The following CFAP69 variants were observed in gnomAD, a reference collection of about 807,000 sequenced individuals.
The protein encoded by CFAP69 is cilia and flagella associated protein 69.
A neutral mutation model predicts 123.0 loss-of-function variants in CFAP69; 92 were observed. The observed-to-expected ratio is 0.75, with a 90% CI of 0.63 to 0.89. The LOEUF (loss-of-function observed/expected upper bound fraction) is 0.89. Among genes scored for constraint, CFAP69 ranks in the 40% least tolerant of loss-of-function variants. CFAP69 has a pLI of 0.00. For missense variants in CFAP69, 1,067 were observed against 1,096.9 expected (o/e 0.97, Z 0.39); for synonymous variants, 380 against 364.3 (o/e 1.04, Z -0.49).
chr7:90,247,536 T>C (rs1039738557), intron 1 of CFAP69, among the ~76,000 whole-genome samples: 1 of 152,118 alleles, frequency 6.6e-6, no homozygotes, highest in Non-Finnish European at 1.5e-5. Flanking sequence ...CTCATGTCCA[T>C]TGTAAAGATT....
At chr7:90,253,965 T>A (rs1227554154) in intron 1 of CFAP69, among the ~76,000 whole-genome samples, 1 of 152,186 alleles carries the variant, frequency 6.6e-6, no homozygotes, top group Non-Finnish European at 1.5e-5. Context: ...ACTTCTTAGT[T>A]TGGGGTCTTA....
chr7:90,312,627 A>G (rs1454440211), downstream of CFAP69: 3 of 152,196 alleles, frequency 2.0e-5, no homozygotes, highest in Admixed American at 2.0e-4. Context: ...GCATATTATA[A>G]TTCCAGCCAC....
intron 5 of CFAP69, chr7:90,266,068 T>TAA (rs1415184313): frequency 2.6e-5 from 4 of 152,102 alleles, no homozygotes; most frequent in Non-Finnish European, 4.4e-5. Context: ...ACAGGAGGAA[T>TAA]AAAAGATACA....
rs1789188443 is a variant in CFAP69, at chr7:90,279,811, G to A, written c.1290G>A (p.Val430=). 6.2e-7 allele frequency: 1 copy of A among 1,612,510 alleles called. No individual in the cohort carries two copies. Among genetic ancestry groups the A allele is most frequent in the African/African-American group, 1.3e-5 (1 of 74,926 alleles). ...QLHAIATLSS[V]APLLIEEYMS... ...ATGCAATTGCCACTTTGTCATCAGT[G>A]GCTCCTTTATTAATAGAAGAATACA... The change falls in exon 12 of 23, where the codon GTG becomes GTA. Residue 430 remains valine (V), a synonymous_variant. Coordinates refer to ENST00000389297, the MANE Select transcript of CFAP69 (RefSeq NM_001039706.3).
intron 19 of CFAP69, among the ~76,000 whole-genome samples, chr7:90,305,202 G>A (rs575688312): frequency 6.6e-6 from 1 of 151,808 alleles, no homozygotes; most frequent in South Asian, 2.1e-4. Context: ...TTAGCTGGAT[G>A]TGGTGGCGGG....
At chr7:90,248,252 C>A (rs1796559114) in intron 1 of CFAP69, among the ~76,000 whole-genome samples, 2 of 152,144 alleles carry the variant, frequency 1.3e-5, no homozygotes, top group Admixed American at 6.5e-5. Context: ...TTATTACAGA[C>A]CTAAATTGAA....
chr7:90,312,260 TGTTA>T (rs151007369), downstream of CFAP69, among the ~76,000 whole-genome samples: 1 of 152,322 alleles, frequency 6.6e-6, no homozygotes, highest in East Asian at 1.9e-4. Flanking sequence ...ACAGACAACA[TGTTA>T]GTTTAAATGT....
At chr7:90,272,407 T>C (rs1357924520) in intron 8 of CFAP69, among the ~76,000 whole-genome samples, 1 of 152,104 alleles carries the variant, frequency 6.6e-6, no homozygotes, top group Non-Finnish European at 1.5e-5. Context: ...CTGAAAACAA[T>C]ATAGATATTG....
intron 13 of CFAP69, among the ~76,000 whole-genome samples, chr7:90,283,639 CAG>C (rs1225347513): frequency 6.6e-6 from 1 of 152,102 alleles, no homozygotes; most frequent in Non-Finnish European, 1.5e-5. Context: ...CACATAAACT[CAG>C]TGTAAAATTC....
chr7:90,289,459 C>G (rs1450049642), intron 15 of CFAP69, among the ~76,000 whole-genome samples: 1 of 152,062 alleles, frequency 6.6e-6, no homozygotes, highest in Non-Finnish European at 1.5e-5. Context: ...CTACTCAAGT[C>G]TCTTGCTCAT....
intron 13 of CFAP69, among the ~76,000 whole-genome samples, chr7:90,285,564 C>T (rs1031596803): frequency 2.0e-5 from 3 of 152,054 alleles, no homozygotes; most frequent in African/African-American, 7.3e-5. Context: ...AATACTGTTA[C>T]CTAAAATTGT....
chr7:90,247,418 G>A (rs1231043735), intron 1 of CFAP69, among the ~76,000 whole-genome samples: 1 of 152,196 alleles, frequency 6.6e-6, no homozygotes, highest in East Asian at 1.9e-4. Flanking sequence ...GTGGCTAAAG[G>A]TGAGAGTATC....
chr7:90,314,362 G>A (rs1476869864), downstream of CFAP69, among the ~76,000 whole-genome samples: 1 of 152,114 alleles, frequency 6.6e-6, no homozygotes, highest in Non-Finnish European at 1.5e-5. Context: ...AGTGGTTCAG[G>A]CCTGTAATCC....
chr7:90,256,225 C>T (rs1297456769), intron 2 of CFAP69, among the ~76,000 whole-genome samples: 1 of 152,088 alleles, frequency 6.6e-6, no homozygotes, highest in Non-Finnish European at 1.5e-5. Flanking sequence ...CCTGTCCTTT[C>T]CAGGGACATG....
intron 18 of CFAP69, 59 bp from the exon 19 acceptor site, chr7:90,304,685 A>AGATT (rs1254053586): frequency 3.6e-6 from 5 of 1,381,856 alleles, no homozygotes; most frequent in Non-Finnish European, 4.9e-6. Context: ...ATAGATAGAT[A>AGATT]GATTCTTAGA....
intron 4 of CFAP69, among the ~76,000 whole-genome samples, chr7:90,263,384 C>G (rs1687897622): frequency 6.6e-6 from 1 of 152,118 alleles, no homozygotes. Flanking sequence ...ATAATAATGT[C>G]AAGCCTTTCC....
intron 15 of CFAP69, among the ~76,000 whole-genome samples, chr7:90,294,719 A>G (rs1388376599): frequency 6.6e-6 from 1 of 152,218 alleles, no homozygotes; most frequent in Non-Finnish European, 1.5e-5. Context: ...TCCTAACCCT[A>G]TGTTCTCTCC....
At chr7:90,246,158 T>G (rs1219218135) in intron 1 of CFAP69, among the ~76,000 whole-genome samples, 2 of 152,232 alleles carry the variant, frequency 1.3e-5, no homozygotes, top group African/African-American at 4.8e-5. Context: ...TATTTGGTTT[T>G]GGGTTTGCTT....
Position 90,307,888 on chromosome 7 carries a change from A to G in CFAP69, c.2550+34A>G, listed in dbSNP as rs374675092. On this transcript the variant is annotated intron_variant, in intron 21 of 22. Transcript: ENST00000389297. ...TTTAATGTATTATAGTATCCACAAC[A>G]AATAGCCAACTCTTACAGACAGACT... The G allele has an allele frequency of 1.1e-4, 147 of 1,377,066 alleles. No individual in the cohort carries two copies. In the Middle Eastern group the frequency reaches 1.1e-3, roughly 10 times the overall value. The allele number at this position is 1,377,066 out of a possible 1,614,324, so 85.3% of individuals were successfully genotyped here.
Sources: gnomAD v4.1 joint callset for allele counts (sites outside exome capture counted in the v4.1 genomes callset) on GRCh38, gnomAD v4.1.1 for gene constraint, MANE v1.5 for transcripts, NCBI Gene and HGNC (gene_info 2026-07-23, HGNC 2026-07-21) for gene names.